Variants in KLHL22 observed in about 807,000 individuals in gnomAD.
KLHL22 encodes the protein kelch-like protein 22.
KLHL22 carries 18 observed loss-of-function variants against 60.7 expected under a neutral mutation model. The ratio of observed to expected loss-of-function variants is 0.30; its 90% CI spans 0.20 to 0.44. The LOEUF (loss-of-function observed/expected upper bound fraction) is 0.44. Ranked by LOEUF, KLHL22 falls within the 20% of genes least tolerant of loss-of-function variation. The probability of loss-of-function intolerance (pLI) is 1.00; values close to 1 mark genes in which losing one functional copy is unlikely to be tolerated. For missense variants in KLHL22, 596 were observed against 852.3 expected, an observed-to-expected ratio of 0.70 and a Z score of 3.74; for synonymous variants, 355 against 354.5, an observed-to-expected ratio of 1.00 and a Z score of -0.01.
chr22:20,448,030 G>A (rs867477260), intron 5 of KLHL22, among the ~76,000 whole-genome samples: 3 of 152,076 alleles, frequency 2.0e-5, no homozygotes, highest in African/African-American at 7.2e-5. Flanking sequence ...CCAGGATCCC[G>A]AGGGGCTGCC....
At chr22:20,466,738 C>T (rs2053243022) in intron 3 of KLHL22, among the ~76,000 whole-genome samples, 1 of 152,160 alleles carries the variant, frequency 6.6e-6, no homozygotes, top group Non-Finnish European at 1.5e-5. Context: ...CATAGCTCAC[C>T]GAAGTCTCAA....
rs1220974208 is a variant in KLHL22 at position 20,451,985 on chromosome 22, C to G, written c.1306-5309G>C. Among the ~76,000 whole-genome samples, 5 of 152,094 alleles carry G rather than the reference C, an allele frequency of 3.3e-5. No individual in the cohort carries two copies. In the East Asian group the frequency reaches 7.7e-4, roughly 23 times the overall value. ...TACTTATTTGACACATACTCCCCCT[C>G]GTCCTGGTTGTTGTTCCTGAGAAGG... On this transcript the variant is annotated intron_variant, in intron 5 of 6. Transcript: ENST00000328879.
chr22:20,475,551 C>T (rs959220357), intron 2 of KLHL22, among the ~76,000 whole-genome samples: 2 of 151,576 alleles, frequency 1.3e-5, no homozygotes, highest in Admixed American at 6.6e-5. Flanking sequence ...TGTCGTCTTC[C>T]CTCCTTCCTC....
Position 20,441,922 on chromosome 22 carries a change from G to C in KLHL22, c.*151C>G. 1.4e-6 allele frequency: 1 copy of C among 723,190 alleles called. No individual in the cohort carries two copies. Among genetic ancestry groups the C allele is most frequent in the Admixed American group, 3.2e-5 (1 of 31,284 alleles). 44.8% of individuals were successfully genotyped at this position (723,190 alleles called of 1,614,324 possible). On this transcript the variant is annotated 3_prime_UTR_variant, in exon 7 of 7. Transcript: ENST00000328879. Reference sequence around the variant, plus strand: ...GATGCCTGCGGCAGGCTGGCCAAGGGGCTGGTGTGAAGAAAGAGGGCAGGG... The same window carrying C: ...GATGCCTGCGGCAGGCTGGCCAAGGCGCTGGTGTGAAGAAAGAGGGCAGGG...
intron 4 of KLHL22, among the ~76,000 whole-genome samples, chr22:20,460,911 G>A (rs562956192): frequency 1.3e-3 from 201 of 152,342 alleles, no homozygotes; most frequent in African/African-American, 4.7e-3. Context: ...AACCCCCATT[G>A]TGATGGTAGT....
chr22:20,458,541 G>C (rs1043776462), intron 4 of KLHL22, among the ~76,000 whole-genome samples: 1 of 146,150 alleles, frequency 6.8e-6, no homozygotes, highest in Non-Finnish European at 1.5e-5. Flanking sequence ...ATGGCTGTTC[G>C]TACAGCCACT....
At chr22:20,445,299 C>T (rs886151971) in intron 6 of KLHL22, among the ~76,000 whole-genome samples, 3 of 151,284 alleles carry the variant, frequency 2.0e-5, no homozygotes, top group Admixed American at 6.6e-5. Flanking sequence ...CTCTGCCTCC[C>T]GGGTTCCAGC....
chr22:20,479,782 A>T (rs1343414854), intron 2 of KLHL22, among the ~76,000 whole-genome samples: 1 of 152,214 alleles, frequency 6.6e-6, no homozygotes, highest in East Asian at 1.9e-4. Flanking sequence ...TGTTGGTGGG[A>T]ATGAAAAGTG....
intron 2 of KLHL22, among the ~76,000 whole-genome samples, chr22:20,485,429 T>G (rs998665039): frequency 6.6e-6 from 1 of 152,240 alleles, no homozygotes; most frequent in African/African-American, 2.4e-5. Flanking sequence ...GGAGGCTTCC[T>G]GCAGCAGGGC....
intron 4 of KLHL22, among the ~76,000 whole-genome samples, chr22:20,461,423 G>A (rs905974252): frequency 1.3e-5 from 2 of 151,486 alleles, no homozygotes; most frequent in African/African-American, 4.9e-5. Flanking sequence ...CGTGGTGGTG[G>A]GCGCTTGTAG....
chr22:20,453,660 A>G (rs1297946311), intron 5 of KLHL22, among the ~76,000 whole-genome samples: 1 of 152,230 alleles, frequency 6.6e-6, no homozygotes, highest in Non-Finnish European at 1.5e-5. Context: ...ACATTTCAGA[A>G]TAATCTCATT....
chr22:20,476,866 G>A lies in KLHL22; in HGVS notation c.228-5351C>T, dbSNP rs538092944. 1.2e-3 allele frequency among the ~76,000 whole-genome samples: 178 copies of A among 150,764 alleles called. 1 individual carries two copies. The highest frequency in any genetic ancestry group is 3.5e-3 in the Middle Eastern group (1 of 286). On this transcript the variant is annotated intron_variant, in intron 2 of 6. Coordinates refer to ENST00000328879, the MANE Select transcript of KLHL22 (RefSeq NM_032775.4). The stretch of plus-strand genomic sequence containing the variant: ...TGGAATTATAGGCATGTGCCACCAC[G>A]CCTGGCTATTTTGTATTTTTAGTAG...
intron 2 of KLHL22, chr22:20,483,043 CT>C: frequency 1.5e-6 from 1 of 667,902 alleles, no homozygotes; most frequent in South Asian, 1.6e-5. Flanking sequence ...GGCACTGTCC[CT>C]CTGCCCGGAT....
intron 1 of KLHL22, chr22:20,493,123 A>G (rs1401895116): frequency 2.1e-6 from 1 of 470,848 alleles, no homozygotes; most frequent in Non-Finnish European, 4.4e-6. Flanking sequence ...CCCAATAGAC[A>G]TCAAGCCCCC....
chr22:20,485,402 T>A (rs764277526), intron 2 of KLHL22, among the ~76,000 whole-genome samples: 1 of 152,218 alleles, frequency 6.6e-6, no homozygotes, highest in Admixed American at 6.5e-5. Flanking sequence ...ATGTACAGAG[T>A]ACACAGAAAG....
At chr22:20,483,962 C>T (rs1198875555) in intron 2 of KLHL22, 5 of 684,984 alleles carry the variant, frequency 7.3e-6, no homozygotes, top group Non-Finnish European at 1.3e-5. Context: ...TGGAGCGGGA[C>T]ACGAAGATCC....
intron 2 of KLHL22, chr22:20,483,791 G>T (rs2053543146): frequency 5.4e-6 from 4 of 745,754 alleles, no homozygotes; most frequent in South Asian, 2.7e-5. Flanking sequence ...CCAGCTTCCG[G>T]TTCTCGGTCT....
In KLHL22 at chr22:20,473,666, G is replaced by A. The variant is rs141034193; in HGVS notation, c.228-2151C>T. Among the ~76,000 whole-genome samples, 984 of 152,238 alleles carry A rather than the reference G, an allele frequency of 6.5e-3. 13 individuals carry two copies. Among genetic ancestry groups the A allele is most frequent in the African/African-American group, 0.023 (945 of 41,536 alleles). On this transcript the variant is annotated intron_variant, in intron 2 of 6. Coordinates refer to ENST00000328879, the MANE Select transcript of KLHL22 (RefSeq NM_032775.4). ...CGAGGCAGGCCGATCATCTGAGGTT[G>A]GGAGTTCGACACCAGCCTGACCAAC... is the stretch of plus-strand genomic sequence containing the variant.
intron 3 of KLHL22, 114 bp downstream of exon 3, chr22:20,471,236 C>T: frequency 1.0e-6 from 1 of 981,266 alleles, no homozygotes; most frequent in Non-Finnish European, 1.5e-6. Flanking sequence ...TGCTTGGTCT[C>T]CTCACATTCC....
Sources: gnomAD v4.1 joint callset for allele counts (sites outside exome capture counted in the v4.1 genomes callset) on GRCh38, gnomAD v4.1.1 for gene constraint, MANE v1.5 for transcripts, NCBI Gene and HGNC (gene_info 2026-07-23, HGNC 2026-07-21) for gene names.